BBX: variants seen among roughly 807,000 people sequenced by gnomAD.
BBX encodes HMG box transcription factor BBX.
A neutral mutation model predicts 100.2 loss-of-function variants in BBX; 30 were observed. The observed-to-expected ratio is 0.30, with a 90% CI of 0.22 to 0.41. BBX has a LOEUF of 0.41. Among genes scored for constraint, BBX ranks in the 10% least tolerant of loss-of-function variants. The probability of loss-of-function intolerance (pLI) is 1.00; values close to 1 mark genes in which losing one functional copy is unlikely to be tolerated. For missense variants in BBX, 1,023 were observed against 1,129.8 expected (o/e 0.91, Z 1.35); for synonymous variants, 376 against 388.1 (o/e 0.97, Z 0.37).
rs751612100 is a variant in BBX, at chr3:107,710,447, T to G, written c.-9-5T>G. On this transcript the variant is annotated splice_polypyrimidine_tract_variant and splice_region_variant and intron_variant, in intron 3 of 17. Transcript: ENST00000325805. ...CCTGTTTCTCTCTCTCTCTTCCTAT[T>G]ACAGGTCACAGTAATGAAAGGCAGT... 3.8e-5 allele frequency: 61 copies of G among 1,605,846 alleles called. No individual in the cohort carries two copies. The highest frequency in any genetic ancestry group is 4.9e-5 in the Non-Finnish European group (58 of 1,175,072).
At chr3:107,528,390 G>C (rs960194412) in intron 2 of BBX, among the ~76,000 whole-genome samples, 2 of 152,024 alleles carry the variant, frequency 1.3e-5, no homozygotes, top group African/African-American at 4.8e-5. Flanking sequence ...TTGTTTCCTA[G>C]TGTTACCTCT....
At chr3:107,601,511 C>T (rs1055760088) in intron 2 of BBX, among the ~76,000 whole-genome samples, 44 of 152,294 alleles carry the variant, frequency 2.9e-4, no homozygotes, top group African/African-American at 9.6e-4. Context: ...GTTGTTGATA[C>T]GGAGAAAGTT....
At chr3:107,594,936 A>C (rs1168897526) in intron 2 of BBX, among the ~76,000 whole-genome samples, 1 of 152,020 alleles carries the variant, frequency 6.6e-6, no homozygotes, top group Non-Finnish European at 1.5e-5. Context: ...ATTTGCTCAC[A>C]GTTATTATGT....
intron 15 of BBX, among the ~76,000 whole-genome samples, chr3:107,792,359 A>T (rs985472351): frequency 1.3e-5 from 2 of 152,238 alleles, no homozygotes; most frequent in Admixed American, 1.3e-4. Flanking sequence ...TTCATGACCT[A>T]GTCCACATCT....
At chr3:107,620,873 G>T (rs1251683619) in intron 2 of BBX, among the ~76,000 whole-genome samples, 13 of 147,096 alleles carry the variant, frequency 8.8e-5, no homozygotes, top group African/African-American at 2.7e-4. Flanking sequence ...AGAGGAGAGA[G>T]ACATTATTGC....
chr3:107,597,969 A>G (rs1292623128), intron 2 of BBX, among the ~76,000 whole-genome samples: 2 of 152,012 alleles, frequency 1.3e-5, no homozygotes, highest in African/African-American at 4.8e-5. Flanking sequence ...TGGGAAAGGG[A>G]AGGTAAGATA....
intron 15 of BBX, among the ~76,000 whole-genome samples, chr3:107,791,526 G>T (rs551419217): frequency 2.7e-4 from 41 of 152,304 alleles, no homozygotes; most frequent in African/African-American, 9.6e-4. Context: ...AGGGCGATTT[G>T]TAACCTTTGA....
At chr3:107,665,686 A>G (rs974956261) in intron 3 of BBX, among the ~76,000 whole-genome samples, 1 of 152,160 alleles carries the variant, frequency 6.6e-6, no homozygotes, top group African/African-American at 2.4e-5. Flanking sequence ...GTTCTATGCT[A>G]ATGTCTGAGT....
At chr3:107,605,075 A>G (rs1454321118) in intron 2 of BBX, among the ~76,000 whole-genome samples, 1 of 152,198 alleles carries the variant, frequency 6.6e-6, no homozygotes. Flanking sequence ...TCACAATCAA[A>G]ATACATGATA....
chr3:107,699,042 G>T (rs1317229142), intron 3 of BBX, among the ~76,000 whole-genome samples: 3 of 151,758 alleles, frequency 2.0e-5, no homozygotes, highest in Non-Finnish European at 4.4e-5. Flanking sequence ...TCATTTGCCT[G>T]CAGTGCGCCC....
At chr3:107,614,292 A>T (rs992531749) in intron 2 of BBX, among the ~76,000 whole-genome samples, 1 of 152,108 alleles carries the variant, frequency 6.6e-6, no homozygotes, top group Non-Finnish European at 1.5e-5. Flanking sequence ...ACCTCTAAAA[A>T]TTTTGTATAT....
At chr3:107,626,439 A>G (rs1040810571) in intron 2 of BBX, among the ~76,000 whole-genome samples, 1 of 152,190 alleles carries the variant, frequency 6.6e-6, no homozygotes, top group African/African-American at 2.4e-5. Flanking sequence ...CACAGTTTCT[A>G]TGGTCAGGAA....
chr3:107,628,540 T>TTA (rs1284531618), intron 2 of BBX, among the ~76,000 whole-genome samples: 2 of 152,106 alleles, frequency 1.3e-5, no homozygotes, highest in Non-Finnish European at 2.9e-5. Context: ...GTACCATTTT[T>TTA]TATATGAGGA....
At chr3:107,686,884 G>A (rs547294827) in intron 3 of BBX, among the ~76,000 whole-genome samples, 2 of 152,088 alleles carry the variant, frequency 1.3e-5, no homozygotes, top group Non-Finnish European at 2.9e-5. Flanking sequence ...CCCGTTAAAG[G>A]TCCAGATCTC....
intron 9 of BBX, 28 bp from the exon 10 acceptor site, chr3:107,755,570 T>G (rs754988118): frequency 1.9e-6 from 3 of 1,590,758 alleles, no homozygotes; most frequent in Non-Finnish European, 2.6e-6. Flanking sequence ...ACAACTAATA[T>G]TCCCTATTTG....
At chr3:107,711,485 C>T in intron 4 of BBX, 2 of 350,056 alleles carry the variant, frequency 5.7e-6, no homozygotes, top group South Asian at 2.2e-5. Context: ...CATTCAGTCT[C>T]TCTTGGCTTT....
At chr3:107,642,491 G>T (rs1240490178) in intron 2 of BBX, among the ~76,000 whole-genome samples, 1 of 152,220 alleles carries the variant, frequency 6.6e-6, no homozygotes, top group East Asian at 1.9e-4. Flanking sequence ...AGGTTTTGTG[G>T]AAGAGTGGGT....
chr3:107,749,714 A>G (rs1576624840), intron 9 of BBX, among the ~76,000 whole-genome samples: 3 of 151,066 alleles, frequency 2.0e-5, no homozygotes, highest in South Asian at 4.2e-4. Context: ...GCTCACTGCA[A>G]CCTCCACCTC....
chr3:107,800,631 A>G (rs994620256), intron 16 of BBX, among the ~76,000 whole-genome samples: 1 of 152,224 alleles, frequency 6.6e-6, no homozygotes, highest in Non-Finnish European at 1.5e-5. Flanking sequence ...AATGTGCTGT[A>G]TAGGCCATCC....
Sources: gnomAD v4.1 joint callset for allele counts (sites outside exome capture counted in the v4.1 genomes callset) on GRCh38, gnomAD v4.1.1 for gene constraint, MANE v1.5 for transcripts, NCBI Gene and HGNC (gene_info 2026-07-23, HGNC 2026-07-21) for gene names.